The following XPO4 variants were observed in gnomAD, a reference collection of about 807,000 sequenced individuals.
XPO4 encodes the protein exportin-4.
In XPO4, 39 loss-of-function variants were observed where a neutral mutation model predicts 143.0. That is an observed-to-expected ratio of 0.27 (90% CI 0.21 to 0.36). The LOEUF (loss-of-function observed/expected upper bound fraction) is 0.36. Among genes scored for constraint, XPO4 ranks in the 10% least tolerant of loss-of-function variants. XPO4 has a pLI of 1.00. For missense variants in XPO4, 907 were observed against 1,348.0 expected (o/e 0.67, Z 5.12); for synonymous variants, 439 against 474.0 (o/e 0.93, Z 0.96).
At chr13:20,862,643 A>G in intron 3 of XPO4, 74 bp downstream of exon 3, 1 of 1,581,836 alleles carries the variant, frequency 6.3e-7, no homozygotes, top group Non-Finnish European at 8.6e-7. Context: ...TTTAAAATGC[A>G]AACAAAAAAA....
intron 1 of XPO4, among the ~76,000 whole-genome samples, chr13:20,870,006 A>G (rs1003003816): frequency 6.7e-6 from 1 of 150,042 alleles, no homozygotes; most frequent in African/African-American, 2.5e-5. Context: ...AGGCAGAAGC[A>G]TGAGAATCGC....
intron 20 of XPO4, among the ~76,000 whole-genome samples, chr13:20,788,057 GTT>G (rs5802086): frequency 2.1e-3 from 282 of 137,026 alleles, no homozygotes; most frequent in African/African-American, 6.4e-3. Flanking sequence ...TTGTTTTTTT[GTT>G]TTTTTTTTTT....
At chr13:20,784,374 G>A (rs2059174690) in intron 22 of XPO4, among the ~76,000 whole-genome samples, 1 of 152,200 alleles carries the variant, frequency 6.6e-6, no homozygotes, top group African/African-American at 2.4e-5. Flanking sequence ...GGACAGCAAT[G>A]TGCACAAAGA....
intron 1 of XPO4, among the ~76,000 whole-genome samples, chr13:20,882,169 T>A (rs952103568): frequency 7.0e-6 from 1 of 143,244 alleles, no homozygotes; most frequent in Non-Finnish European, 1.5e-5. Flanking sequence ...AAGACAGATA[T>A]GGGAAATTAT....
chr13:20,801,628 A>T (rs187804653), intron 13 of XPO4, among the ~76,000 whole-genome samples: 1 of 152,340 alleles, frequency 6.6e-6, no homozygotes, highest in African/African-American at 2.4e-5. Flanking sequence ...ATAGCGTGAC[A>T]TGCAGACAAA....
intron 14 of XPO4, 72 bp from the exon 15 acceptor site, chr13:20,800,397 T>A: frequency 6.8e-7 from 1 of 1,460,878 alleles, no homozygotes; most frequent in Non-Finnish European, 9.3e-7. Flanking sequence ...CAGAGAAAAA[T>A]CGAACTGAAA....
At chr13:20,788,075 G>A (rs1456004352) in intron 20 of XPO4, among the ~76,000 whole-genome samples, 1 of 143,902 alleles carries the variant, frequency 6.9e-6, no homozygotes, top group Non-Finnish European at 1.5e-5. Context: ...TTTTTTTTGA[G>A]ATGGAGTTTC....
intron 7 of XPO4, among the ~76,000 whole-genome samples, 184 bp downstream of exon 7, chr13:20,826,883 C>A (rs1335430314): frequency 2.6e-5 from 4 of 152,180 alleles, no homozygotes; most frequent in Non-Finnish European, 5.9e-5. Flanking sequence ...CCCTTCATAA[C>A]CATGTGACAT....
At chr13:20,891,694 C>A (rs1156902754) in intron 1 of XPO4, among the ~76,000 whole-genome samples, 1 of 151,894 alleles carries the variant, frequency 6.6e-6, no homozygotes, top group Non-Finnish European at 1.5e-5. Flanking sequence ...GAAACCCTGT[C>A]TCTACTAAAA....
chr13:20,800,284 C>T lies in XPO4; in HGVS notation c.2019G>A (p.Glu673=). ...GGTAGCCAATTATCCACTGAGAACCCTCTGTATCTGCTCCGAACGCTGTAC... is the reference window on the plus strand; with the variant it reads ...GGTAGCCAATTATCCACTGAGAACCTTCTGTATCTGCTCCGAACGCTGTAC... ...PFSTAFGADT[E]GSQWIIGYLL... is the part of the protein sequence containing the mutation. The change falls in exon 15 of 23, where the codon GAG becomes GAA. Residue 673 remains glutamate, a synonymous_variant. Coordinates refer to ENST00000255305, the MANE Select transcript of XPO4 (RefSeq NM_022459.5). The T allele has an allele frequency of 6.2e-7, 1 of 1,614,038 alleles. No individual in the cohort carries two copies.
intron 9 of XPO4, among the ~76,000 whole-genome samples, chr13:20,820,594 C>G (rs1297608921): frequency 6.6e-6 from 1 of 152,132 alleles, no homozygotes; most frequent in Non-Finnish European, 1.5e-5. Context: ...CTTAAAATTA[C>G]CCTGGATTTT....
chr13:20,793,065 C>T (rs2059308428), intron 18 of XPO4, among the ~76,000 whole-genome samples: 1 of 152,204 alleles, frequency 6.6e-6, no homozygotes, highest in Admixed American at 6.5e-5. Context: ...GCTGGGATTA[C>T]AGGCGTGAGC....
chr13:20,789,400 T>C (rs2059247525), intron 19 of XPO4, among the ~76,000 whole-genome samples: 1 of 150,936 alleles, frequency 6.6e-6, no homozygotes, highest in African/African-American at 2.4e-5. Context: ...CTCTACTTTT[T>C]TTTTTTTTTT....
rs2060519292 is a variant in XPO4 at position 20,891,775 on chromosome 13, A to ATTGCT, written c.69+10890_69+10894dup. 2.6e-5 allele frequency among the ~76,000 whole-genome samples: 4 copies of ATTGCT among 151,308 alleles called. No homozygotes were observed. The South Asian group carries it at 8.4e-4, about 32-fold the overall frequency. On this transcript the variant is annotated intron_variant, in intron 1 of 22. Coordinates refer to ENST00000255305, the MANE Select transcript of XPO4 (RefSeq NM_022459.5). ...CTACTCGGGAGGCTGAGGCAGGAGA[A>ATTGCT]TTGCTTGAACCCGGGAGGTGAAGGT... is the stretch of plus-strand genomic sequence containing the variant.
At chr13:20,821,310 C>CA (rs11414490) in intron 9 of XPO4, among the ~76,000 whole-genome samples, 39,052 of 142,450 alleles carry the variant, frequency 0.27, 6,514 homozygotes, top group East Asian at 0.79. Flanking sequence ...AAAAAATTCT[C>CA]AAAAAAAAAA....
At chr13:20,871,034 C>T (rs141878477) in intron 1 of XPO4, among the ~76,000 whole-genome samples, 167 of 152,286 alleles carry the variant, frequency 1.1e-3, no homozygotes, top group Non-Finnish European at 1.7e-3. Flanking sequence ...CCTCCAACTC[C>T]TGTACCTCAG....
chr13:20,872,749 AG>A (rs1264220903), intron 1 of XPO4, among the ~76,000 whole-genome samples: 3 of 152,174 alleles, frequency 2.0e-5, no homozygotes, highest in Non-Finnish European at 4.4e-5. Context: ...AATTAAACCC[AG>A]GTAGTATGAC....
At chr13:20,885,502 A>C (rs1404623264) in intron 1 of XPO4, among the ~76,000 whole-genome samples, 1 of 152,246 alleles carries the variant, frequency 6.6e-6, no homozygotes, top group African/African-American at 2.4e-5. Flanking sequence ...ATAATTTATC[A>C]GTAATGACAA....
Position 20,777,671 on chromosome 13 carries a change from G to T in XPO4, c.*6051C>A, listed in dbSNP as rs1046587078. On this transcript the variant is annotated 3_prime_UTR_variant, in exon 23 of 23. Transcript: ENST00000255305. ...TTGAAGCCTAAGATTAGGCAGAAAT[G>T]AACATTATCAAAACAAGAACAAAAC... The T allele has an allele frequency of 1.3e-5, 2 of 152,154 alleles. No homozygotes were observed. Among genetic ancestry groups the T allele is most frequent in the Non-Finnish European group, 2.9e-5 (2 of 68,014 alleles). 9.4% of individuals were successfully genotyped at this position (152,154 alleles called of 1,614,324 possible).
Sources: allele counts gnomAD v4.1 joint callset (sites outside exome capture counted in the v4.1 genomes callset), GRCh38; gene constraint gnomAD v4.1.1; transcripts MANE v1.5; gene names NCBI Gene and HGNC (gene_info 2026-07-23, HGNC 2026-07-21).